The following ZNF804A variants were observed in gnomAD, a reference collection of about 807,000 sequenced individuals.
ZNF804A encodes zinc finger protein 804A.
In ZNF804A, 2 loss-of-function variants were observed where a neutral mutation model predicts 16.5. The observed-to-expected ratio is 0.12, with a 90% CI of 0.05 to 0.38. The LOEUF (loss-of-function observed/expected upper bound fraction) is 0.38, where lower values mean the gene tolerates loss of function less well. ZNF804A is among the 10% of genes least tolerant of loss of function. ZNF804A has a pLI of 0.99. For missense variants in ZNF804A, 1,473 were observed against 1,390.7 expected, an observed-to-expected ratio of 1.06 and a Z score of -0.94; for synonymous variants, 534 against 489.6, an observed-to-expected ratio of 1.09 and a Z score of -1.20.
At chr2:184,712,200 C>T (rs1693139415) in intron 1 of ZNF804A, among the ~76,000 whole-genome samples, 2 of 151,548 alleles carry the variant, frequency 1.3e-5, no homozygotes, top group African/African-American at 4.8e-5. Flanking sequence ...AAGTTTATTC[C>T]TATGAAGTTA....
intron 1 of ZNF804A, among the ~76,000 whole-genome samples, chr2:184,730,867 T>C (rs1052110611): frequency 7.3e-5 from 11 of 151,104 alleles, no homozygotes; most frequent in African/African-American, 2.4e-4. Context: ...TTTGTGGACA[T>C]AAGTTTTGAA....
rs1440495689 is a variant in ZNF804A at position 184,827,816 on chromosome 2, G to A, written c.112-38553G>A. On this transcript the variant is annotated intron_variant, in intron 1 of 3. Transcript: ENST00000302277. The stretch of plus-strand genomic sequence containing the variant: ...TTACAATAAGTATATCCATTCACCT[G>A]GTAATGGGTGTATAATACCCATTAC... Among the ~76,000 whole-genome samples the A allele has an allele frequency of 2.0e-5, 3 of 151,364 alleles. No individual in the cohort carries two copies. In the East Asian group the frequency reaches 5.8e-4, roughly 29 times the overall value.
In ZNF804A at chr2:184,723,587, T is replaced by A. The variant is rs529678340; in HGVS notation, c.111+124517T>A. Among the ~76,000 whole-genome samples, 4 of 151,970 alleles carry A rather than the reference T, an allele frequency of 2.6e-5. No individual in the cohort carries two copies. The South Asian group carries it at 8.3e-4, about 31-fold the overall frequency. On this transcript the variant is annotated intron_variant, in intron 1 of 3. Transcript: ENST00000302277. Reference sequence around the variant, plus strand: ...ACACCATTCAACCATTACATATTAGTGTTTTCATCCGAAGTTGTAAAAACA... The same window carrying A: ...ACACCATTCAACCATTACATATTAGAGTTTTCATCCGAAGTTGTAAAAACA...
Position 184,936,080 on chromosome 2 carries a change from C to T in ZNF804A, c.684C>T (p.Ser228=). 6.2e-7 allele frequency: 1 copy of T among 1,614,022 alleles called. No homozygotes were observed. Among genetic ancestry groups the T allele is most frequent in the Non-Finnish European group, 8.5e-7 (1 of 1,179,962 alleles). Reference sequence around the variant, plus strand: ...AGAAAGCGTCCGTGAAGCTAGAGTCCTCAGCTGCAGCCTTCTCTGAATACA... The same window carrying T: ...AGAAAGCGTCCGTGAAGCTAGAGTCTTCAGCTGCAGCCTTCTCTGAATACA... The part of the protein sequence containing the change: ...FPKKASVKLE[S]SAAAFSEYSD... The change falls in exon 4 of 4, where the codon TCC becomes TCT. Residue 228 remains serine, a synonymous_variant. Transcript: ENST00000302277.
chr2:184,701,055 C>T (rs1020874591), intron 1 of ZNF804A, among the ~76,000 whole-genome samples: 1 of 151,888 alleles, frequency 6.6e-6, no homozygotes, highest in African/African-American at 2.4e-5. Context: ...AAGGACACCA[C>T]ATCACATTGA....
chr2:184,872,388 T>C (rs564917771), intron 2 of ZNF804A, among the ~76,000 whole-genome samples: 1 of 152,228 alleles, frequency 6.6e-6, no homozygotes, highest in Admixed American at 6.5e-5. Flanking sequence ...AACAAAGCTA[T>C]CATTATATTA....
chr2:184,756,947 A>T (rs1053686719), intron 1 of ZNF804A, among the ~76,000 whole-genome samples: 1 of 152,022 alleles, frequency 6.6e-6, no homozygotes, highest in Non-Finnish European at 1.5e-5. Context: ...AACTTAGCTC[A>T]GTCTTCCATC....
chr2:184,856,159 G>T lies in ZNF804A; in HGVS notation c.112-10210G>T, dbSNP rs191296174. On this transcript the variant is annotated intron_variant, in intron 1 of 3. Transcript: ENST00000302277. ...TTCAAGGACTAGAGCAGCATGTATT[G>T]TAAGCCATGATATAAAGAACCATAA... Among the ~76,000 whole-genome samples, 114 of 152,060 alleles carry T rather than the reference G, an allele frequency of 7.5e-4. 1 individual carries two copies. The highest frequency in any genetic ancestry group is 1.0e-4 in the Non-Finnish European group (7 of 67,948).
rs1199037912 is a variant in ZNF804A, at chr2:184,753,895, A to C, written c.112-112474A>C. On this transcript the variant is annotated intron_variant, in intron 1 of 3. Transcript: ENST00000302277. Reference sequence around the variant, plus strand: ...GCTTGCCAGATTACAAAGTTAAAACAAAAGATATCCAATTAAATTTGAATT... The same window carrying C: ...GCTTGCCAGATTACAAAGTTAAAACCAAAGATATCCAATTAAATTTGAATT... Among the ~76,000 whole-genome samples the C allele has an allele frequency of 2.0e-5, 3 of 151,874 alleles. No homozygotes were observed. In the Admixed American group the frequency reaches 2.0e-4, roughly 10 times the overall value.
intron 1 of ZNF804A, among the ~76,000 whole-genome samples, chr2:184,656,358 A>G (rs573840413): frequency 1.3e-5 from 2 of 152,202 alleles, no homozygotes; most frequent in East Asian, 3.9e-4. Context: ...TGCATGGAAG[A>G]GTGTTTTGTT....
chr2:184,699,025 G>A (rs1400003920), intron 1 of ZNF804A, among the ~76,000 whole-genome samples: 1 of 152,020 alleles, frequency 6.6e-6, no homozygotes, highest in African/African-American at 2.4e-5. Flanking sequence ...TTATCATGAA[G>A]TGCATAGTTA....
At chr2:184,723,303 C>T (rs923139014) in intron 1 of ZNF804A, among the ~76,000 whole-genome samples, 1 of 151,726 alleles carries the variant, frequency 6.6e-6, no homozygotes, top group Non-Finnish European at 1.5e-5. Context: ...GCAACAGGCT[C>T]GCGTGTATCA....
chr2:184,817,862 AAG>A (rs1236930847), intron 1 of ZNF804A, among the ~76,000 whole-genome samples: 2 of 152,074 alleles, frequency 1.3e-5, no homozygotes, highest in East Asian at 3.9e-4. Flanking sequence ...CAGAGGAAAA[AAG>A]AATGAAAAGT....
At chr2:184,779,784 C>A (rs1694346074) in intron 1 of ZNF804A, among the ~76,000 whole-genome samples, 1 of 151,664 alleles carries the variant, frequency 6.6e-6, no homozygotes, top group South Asian at 2.1e-4. Context: ...CGCAGACACC[C>A]TAATTTTATC....
intron 1 of ZNF804A, among the ~76,000 whole-genome samples, chr2:184,640,254 G>A (rs1038325970): frequency 1.3e-5 from 2 of 151,220 alleles, no homozygotes; most frequent in African/African-American, 4.9e-5. Context: ...AGGAGGAGGA[G>A]AAGAAGAAGA....
intron 1 of ZNF804A, among the ~76,000 whole-genome samples, chr2:184,620,380 A>G (rs1402479137): frequency 6.6e-6 from 1 of 151,810 alleles, no homozygotes; most frequent in Non-Finnish European, 1.5e-5. Flanking sequence ...AGAATTGTCT[A>G]AGCAATACTT....
intron 1 of ZNF804A, among the ~76,000 whole-genome samples, chr2:184,684,962 G>A (rs114105117): frequency 3.0e-3 from 454 of 152,234 alleles, no homozygotes; most frequent in African/African-American, 0.011. Context: ...CCTTCTGCCT[G>A]AGTGTTGCTC....
intron 2 of ZNF804A, among the ~76,000 whole-genome samples, chr2:184,910,021 AG>A (rs1343224850): frequency 1.3e-5 from 2 of 151,972 alleles, no homozygotes; most frequent in Admixed American, 1.3e-4. Context: ...CTTTAGATTC[AG>A]GGGGTAGATG....
At chr2:184,847,903 A>G (rs562319843) in intron 1 of ZNF804A, among the ~76,000 whole-genome samples, 6 of 152,218 alleles carry the variant, frequency 3.9e-5, no homozygotes, top group Non-Finnish European at 8.8e-5. Flanking sequence ...GAACAGCCAG[A>G]TTGGAGAGAT....
Sources: allele counts gnomAD v4.1 joint callset (sites outside exome capture counted in the v4.1 genomes callset), GRCh38; gene constraint gnomAD v4.1.1; transcripts MANE v1.5; gene names NCBI Gene and HGNC (gene_info 2026-07-23, HGNC 2026-07-21).